EXOC6: variants seen among roughly 807,000 people sequenced by gnomAD.
The protein encoded by EXOC6 is exocyst complex component 6.
EXOC6 carries 60 observed loss-of-function variants against 112.5 expected under a neutral mutation model. The observed-to-expected ratio is 0.53, with a 90% CI of 0.43 to 0.66. The LOEUF (loss-of-function observed/expected upper bound fraction) is 0.66. Among genes scored for constraint, EXOC6 ranks in the 30% least tolerant of loss-of-function variants. The pLI, the probability that EXOC6 is intolerant of heterozygous loss-of-function variation, is 0.00. For synonymous variants in EXOC6, 295 were observed against 308.0 expected, an observed-to-expected ratio of 0.96 and a Z score of 0.44; for missense variants, 855 against 957.1, an observed-to-expected ratio of 0.89 and a Z score of 1.41.
chr10:92,999,276 T>G (rs190940378), intron 19 of EXOC6: 16 of 402,414 alleles, frequency 4.0e-5, no homozygotes, highest in African/African-American at 2.8e-4. Flanking sequence ...TTGCCCAGAC[T>G]GGTCTCAAAC....
At chr10:92,892,652 A>T (rs114748748) in intron 1 of EXOC6, among the ~76,000 whole-genome samples, 65 of 152,340 alleles carry the variant, frequency 4.3e-4, no homozygotes, top group African/African-American at 1.5e-3. Context: ...CCTCCCAGGA[A>T]TCAGTGGCAA....
At chr10:92,975,910 G>C (rs1842564605) in intron 18 of EXOC6, among the ~76,000 whole-genome samples, 1 of 142,288 alleles carries the variant, frequency 7.0e-6, no homozygotes, top group Non-Finnish European at 1.6e-5. Flanking sequence ...CCCCGTCCGG[G>C]AGGGAGGTGG....
intron 17 of EXOC6, among the ~76,000 whole-genome samples, chr10:92,961,214 T>C (rs188571239): frequency 1.3e-5 from 2 of 152,318 alleles, no homozygotes; most frequent in East Asian, 3.9e-4. Context: ...GACTGATTAA[T>C]TGCATGTCAG....
At chr10:92,831,455 T>C (rs1354229135), upstream of EXOC6, 1 of 671,084 alleles carries the variant, frequency 1.5e-6, no homozygotes, top group Non-Finnish European at 2.2e-6. Context: ...ATTTTTCGAG[T>C]TGGAGTCTCA....
At chr10:93,058,120 G>A in intron 21 of EXOC6, 103 bp from the exon 22 acceptor site, 1 of 1,001,918 alleles carries the variant, frequency 1.0e-6, no homozygotes, top group Non-Finnish European at 1.5e-6. Context: ...TTCAAGCATA[G>A]GATTAGTGTG....
chr10:93,043,755 C>T (rs1845891336), intron 20 of EXOC6, among the ~76,000 whole-genome samples: 1 of 152,208 alleles, frequency 6.6e-6, no homozygotes, highest in African/African-American at 2.4e-5. Flanking sequence ...GATCACAATC[C>T]ATTTAATTCC....
At chr10:93,035,628 G>A (rs1222725966) in intron 20 of EXOC6, among the ~76,000 whole-genome samples, 1 of 152,208 alleles carries the variant, frequency 6.6e-6, no homozygotes, top group Non-Finnish European at 1.5e-5. Context: ...GTTGAGGTGA[G>A]CGGATCACTT....
intron 20 of EXOC6, among the ~76,000 whole-genome samples, chr10:93,016,323 T>A (rs1844511263): frequency 6.6e-5 from 10 of 151,560 alleles, no homozygotes; most frequent in Admixed American, 6.6e-4. Context: ...GTATTTTTAG[T>A]AGAGACGGGG....
intron 19 of EXOC6, among the ~76,000 whole-genome samples, chr10:93,005,382 C>A (rs1349682439): frequency 6.6e-6 from 1 of 152,076 alleles, no homozygotes; most frequent in African/African-American, 2.4e-5. Context: ...TAAATGTCTT[C>A]TTATTTGGAG....
At chr10:92,896,848 G>A (rs1014807870) in intron 4 of EXOC6, among the ~76,000 whole-genome samples, 6 of 152,086 alleles carry the variant, frequency 3.9e-5, no homozygotes, top group Admixed American at 3.3e-4. Context: ...AAGCCACTGC[G>A]CCTGGCCTGT....
intron 18 of EXOC6, among the ~76,000 whole-genome samples, chr10:92,988,761 A>T (rs560246240): frequency 1.3e-5 from 2 of 151,700 alleles, no homozygotes; most frequent in South Asian, 4.2e-4. Flanking sequence ...GGAGTTCAAG[A>T]TCACTGCTGA....
At chr10:92,883,095 T>C (rs1327736422) in intron 1 of EXOC6, among the ~76,000 whole-genome samples, 1 of 152,212 alleles carries the variant, frequency 6.6e-6, no homozygotes, top group Non-Finnish European at 1.5e-5. Context: ...GTATGTCCTA[T>C]TCTGAAAGAA....
upstream of EXOC6, chr10:92,848,450 C>CCCCCAACCCCA: frequency 9.3e-7 from 1 of 1,080,366 alleles, no homozygotes; most frequent in Non-Finnish European, 1.2e-6. Context: ...CCCCGCCCCG[C>CCCCCAACCCCA]CCCTTCGCGC....
chr10:92,978,290 G>A (rs562252065), intron 18 of EXOC6, among the ~76,000 whole-genome samples: 5 of 152,106 alleles, frequency 3.3e-5, no homozygotes, highest in South Asian at 4.2e-4. Flanking sequence ...TGTACCTTTA[G>A]TCTTGGCTAC....
At chr10:93,049,306 C>T (rs931300152) in intron 20 of EXOC6, among the ~76,000 whole-genome samples, 1 of 152,128 alleles carries the variant, frequency 6.6e-6, no homozygotes, top group East Asian at 1.9e-4. Context: ...CATGATCCAC[C>T]CTCCTTGGCC....
Position 92,985,395 on chromosome 10 carries a change from T to A in EXOC6, c.1953+11163T>A, listed in dbSNP as rs1842965195. Among the ~76,000 whole-genome samples the A allele has an allele frequency of 2.0e-5, 3 of 152,212 alleles. 1 individual carries two copies. In the South Asian group the frequency reaches 6.2e-4, roughly 32 times the overall value. ...GGGCAGTGGCTTTCTTTTCTCTGTT[T>A]CATCTGCTTTCTGTCTTGCAGAAAG... On this transcript the variant is annotated intron_variant, in intron 18 of 21. Coordinates refer to ENST00000260762, the MANE Select transcript of EXOC6 (RefSeq NM_019053.6).
chr10:93,020,352 T>C (rs1442068478), intron 20 of EXOC6, among the ~76,000 whole-genome samples: 2 of 152,118 alleles, frequency 1.3e-5, no homozygotes, highest in Non-Finnish European at 2.9e-5. Context: ...CCTACAGATA[T>C]ATGGACTGTG....
chr10:92,969,892 C>A (rs1239617958), intron 17 of EXOC6, among the ~76,000 whole-genome samples: 1 of 152,116 alleles, frequency 6.6e-6, no homozygotes, highest in Non-Finnish European at 1.5e-5. Context: ...CAGGGTTTCA[C>A]CATGTTGGCC....
intron 6 of EXOC6, among the ~76,000 whole-genome samples, chr10:92,910,668 C>T (rs1225583779): frequency 7.2e-5 from 11 of 152,110 alleles, no homozygotes; most frequent in African/African-American, 2.7e-4. Flanking sequence ...GGGTGGCTCA[C>T]ACCTGTAATC....
Sources: gnomAD v4.1 joint callset for allele counts (sites outside exome capture counted in the v4.1 genomes callset) on GRCh38, gnomAD v4.1.1 for gene constraint, MANE v1.5 for transcripts, NCBI Gene and HGNC (gene_info 2026-07-23, HGNC 2026-07-21) for gene names.